ASAP1: variants seen among roughly 807,000 people sequenced by gnomAD.
ASAP1 encodes the protein ArfGAP with SH3 domain, ankyrin repeat and PH domain 1.
ASAP1 carries 43 observed loss-of-function variants against 145.2 expected under a neutral mutation model. The ratio of observed to expected loss-of-function variants is 0.30; its 90% CI spans 0.23 to 0.38. ASAP1 has a LOEUF of 0.38. Ranked by LOEUF, ASAP1 falls within the 10% of genes least tolerant of loss-of-function variation. ASAP1 has a pLI of 1.00. For synonymous variants in ASAP1, 546 were observed against 515.5 expected (o/e 1.06, Z -0.80); for missense variants, 1,018 against 1,355.3 (o/e 0.75, Z 3.91).
At position 130,390,096 on chromosome 8, in the gene ASAP1, T is replaced by C. The variant is rs537436719; in HGVS notation, c.59+11789A>G. Among the ~76,000 whole-genome samples the C allele has an allele frequency of 1.8e-3, 273 of 152,284 alleles. 1 individual carries two copies. Among genetic ancestry groups the C allele is most frequent in the African/African-American group, 6.4e-3 (265 of 41,534 alleles). ...AGGGAGGGCCTGAGAATCTGATTTT[T>C]AACAGCTCCCCAGGTGACCCACATG... On this transcript the variant is annotated intron_variant, in intron 2 of 29. Coordinates refer to ENST00000518721, the MANE Select transcript of ASAP1 (RefSeq NM_018482.4).
intron 2 of ASAP1, among the ~76,000 whole-genome samples, chr8:130,371,364 A>T (rs2138287741): frequency 6.6e-6 from 1 of 152,350 alleles, no homozygotes; most frequent in African/African-American, 2.4e-5. Flanking sequence ...CACTCTCTGT[A>T]CAAATGGTAC....
At chr8:130,436,696 G>A (rs1238888419) in intron 1 of ASAP1, among the ~76,000 whole-genome samples, 1 of 152,198 alleles carries the variant, frequency 6.6e-6, no homozygotes, top group African/African-American at 2.4e-5. Context: ...CAGCAACTTG[G>A]GAGGCTGAGG....
chr8:130,249,986 A>C (rs1819092186), intron 3 of ASAP1, among the ~76,000 whole-genome samples: 1 of 152,308 alleles, frequency 6.6e-6, no homozygotes, highest in South Asian at 2.1e-4. Flanking sequence ...CTCTCTTAGC[A>C]TGCTAGATTT....
chr8:130,420,668 CG>C (rs1554911273), intron 1 of ASAP1, among the ~76,000 whole-genome samples: 2 of 151,916 alleles, frequency 1.3e-5, no homozygotes, highest in Non-Finnish European at 2.9e-5. Context: ...CCGAGGCAGA[CG>C]GATCACCTGA....
chr8:130,063,447 A>G (rs532809437), intron 27 of ASAP1, among the ~76,000 whole-genome samples: 2 of 152,160 alleles, frequency 1.3e-5, no homozygotes, highest in Admixed American at 6.5e-5. Context: ...CTTTGGTGTG[A>G]CAATGTGACT....
chr8:130,127,192 CAT>C (rs2097576274), intron 16 of ASAP1, among the ~76,000 whole-genome samples: 1 of 152,156 alleles, frequency 6.6e-6, no homozygotes, highest in East Asian at 1.9e-4. Flanking sequence ...TCATGTACCA[CAT>C]GTCAGTTGAT....
chr8:130,159,917 G>A lies in ASAP1; in HGVS notation c.957C>T (p.Gly319=). ...QGGYSMHQLQ[G]NKEYGSEKKG... is the part of the protein sequence containing the mutation. ...TCTTTTCACTGCCATATTCCTTATTGCCCTGGAGCTGATGCATGCTGTATC... is the reference window on the plus strand; with the variant it reads ...TCTTTTCACTGCCATATTCCTTATTACCCTGGAGCTGATGCATGCTGTATC... Residue 319 remains glycine (G), a synonymous_variant, in exon 12 of 30, where the codon GGC becomes GGT. Coordinates refer to ENST00000518721, the MANE Select transcript of ASAP1 (RefSeq NM_018482.4). 6.2e-7 allele frequency: 1 copy of A among 1,613,930 alleles called. No homozygotes were observed.
chr8:130,068,605 T>C (rs553259556), intron 27 of ASAP1, among the ~76,000 whole-genome samples: 9 of 152,308 alleles, frequency 5.9e-5, no homozygotes, highest in East Asian at 1.9e-4. Context: ...CAGCTCACTA[T>C]TGAACAACTG....
chr8:130,405,081 T>C (rs1227783932), intron 1 of ASAP1, among the ~76,000 whole-genome samples: 1 of 152,070 alleles, frequency 6.6e-6, no homozygotes, highest in Non-Finnish European at 1.5e-5. Flanking sequence ...CCTGAGGTTT[T>C]TGCTACTCAG....
intron 9 of ASAP1, among the ~76,000 whole-genome samples, chr8:130,173,183 G>A (rs1813701993): frequency 1.3e-5 from 2 of 152,324 alleles, no homozygotes; most frequent in South Asian, 4.1e-4. Flanking sequence ...CCAAGTTCTA[G>A]TTTTGGTAAG....
chr8:130,241,043 G>A (rs1225874163), intron 3 of ASAP1, among the ~76,000 whole-genome samples: 1 of 152,070 alleles, frequency 6.6e-6, no homozygotes. Context: ...TCTCCAGGCC[G>A]AGTGGTATCC....
At chr8:130,415,787 A>C (rs1477497272) in intron 1 of ASAP1, among the ~76,000 whole-genome samples, 2 of 152,058 alleles carry the variant, frequency 1.3e-5, no homozygotes, top group African/African-American at 4.8e-5. Context: ...TCTCAAAAAA[A>C]AAAAAAAAAA....
chr8:130,431,868 GAGT>G (rs1436526872), intron 1 of ASAP1, among the ~76,000 whole-genome samples: 1 of 142,808 alleles, frequency 7.0e-6, no homozygotes, highest in Non-Finnish European at 1.5e-5. Flanking sequence ...GGAAAGGGAG[GAGT>G]AGGAGGGGGA....
intron 4 of ASAP1, among the ~76,000 whole-genome samples, chr8:130,230,426 C>T (rs1319313384): frequency 6.6e-6 from 1 of 152,142 alleles, no homozygotes; most frequent in African/African-American, 2.4e-5. Context: ...TTTTAAACAG[C>T]ATTCTTTTGA....
At chr8:130,074,300 T>A (rs182134916) in intron 27 of ASAP1, among the ~76,000 whole-genome samples, 1 of 152,218 alleles carries the variant, frequency 6.6e-6, no homozygotes, top group East Asian at 1.9e-4. Flanking sequence ...GGGAACTAGA[T>A]GAAAGAAGAT....
At chr8:130,426,268 TG>T (rs1308858389) in intron 1 of ASAP1, among the ~76,000 whole-genome samples, 1 of 152,142 alleles carries the variant, frequency 6.6e-6, no homozygotes, top group Non-Finnish European at 1.5e-5. Flanking sequence ...CTACCATAAT[TG>T]TAAGTTTCCT....
At chr8:130,342,435 C>T (rs1366995830) in intron 3 of ASAP1, among the ~76,000 whole-genome samples, 2 of 152,136 alleles carry the variant, frequency 1.3e-5, no homozygotes, top group African/African-American at 2.4e-5. Flanking sequence ...CACATTCTAC[C>T]AAGAGTGGAC....
intron 4 of ASAP1, among the ~76,000 whole-genome samples, chr8:130,218,478 T>C (rs534479503): frequency 3.3e-5 from 5 of 152,182 alleles, no homozygotes; most frequent in African/African-American, 4.8e-5. Context: ...CTTCCCTCCC[T>C]AGACACAGCC....
At chr8:130,388,642 G>A (rs7016144) in intron 2 of ASAP1, among the ~76,000 whole-genome samples, 51,701 of 151,990 alleles carry the variant, frequency 0.34, 9,519 homozygotes, top group African/African-American at 0.48. Flanking sequence ...AGAGGGTAGA[G>A]TCACAAGAAG....
Sources: gnomAD v4.1 joint callset for allele counts (sites outside exome capture counted in the v4.1 genomes callset) on GRCh38, gnomAD v4.1.1 for gene constraint, MANE v1.5 for transcripts, NCBI Gene and HGNC (gene_info 2026-07-23, HGNC 2026-07-21) for gene names.